The following STAU2 variants were observed in gnomAD, a reference collection of about 807,000 sequenced individuals.
STAU2 encodes staufen double-stranded RNA binding protein 2.
STAU2 carries 20 observed loss-of-function variants against 65.9 expected under a neutral mutation model. The ratio of observed to expected loss-of-function variants is 0.30; its 90% CI spans 0.21 to 0.44. STAU2 has a LOEUF of 0.44. Ranked by LOEUF, STAU2 falls within the 20% of genes least tolerant of loss-of-function variation. STAU2 has a pLI of 1.00. For synonymous variants in STAU2, 232 were observed against 233.9 expected (o/e 0.99, Z 0.07); for missense variants, 558 against 683.9 (o/e 0.82, Z 2.05).
chr8:73,541,379 A>C (rs1044964576), intron 13 of STAU2, among the ~76,000 whole-genome samples: 1 of 152,150 alleles, frequency 6.6e-6, no homozygotes, highest in African/African-American at 2.4e-5. Context: ...TACTGAGTAG[A>C]CTGTATCAGC....
chr8:73,571,426 C>T lies in STAU2; in HGVS notation c.1222+11344G>A, dbSNP rs983142160. Among the ~76,000 whole-genome samples, 108 of 152,190 alleles carry T rather than the reference C, an allele frequency of 7.1e-4. 7 individuals carry two copies. Among genetic ancestry groups the T allele is most frequent in the Non-Finnish European group, 5.9e-5 (4 of 68,034 alleles). On this transcript the variant is annotated intron_variant, in intron 12 of 14. Transcript: ENST00000524300. ...TAGACATCTACAGAACTCTCCACCCCAAATCAACAGAATATACATTCTTCT... is the reference window on the plus strand; with the variant it reads ...TAGACATCTACAGAACTCTCCACCCTAAATCAACAGAATATACATTCTTCT...
Position 73,722,679 on chromosome 8 carries a change from C to T in STAU2, c.-17-13517G>A, listed in dbSNP as rs531676825. Among the ~76,000 whole-genome samples the T allele has an allele frequency of 3.3e-5, 5 of 152,222 alleles. No individual in the cohort carries two copies. In the South Asian group the frequency reaches 1.0e-3, roughly 32 times the overall value. ...ATGACCATATCTCTTTCTCTGACTGCTTTTCAGATTTTCTCTTTATCATTT... is the reference window on the plus strand; with the variant it reads ...ATGACCATATCTCTTTCTCTGACTGTTTTTCAGATTTTCTCTTTATCATTT... On this transcript the variant is annotated intron_variant, in intron 3 of 14. Transcript: ENST00000524300.
chr8:73,609,730 A>G (rs1024115064), intron 9 of STAU2, among the ~76,000 whole-genome samples: 12 of 152,184 alleles, frequency 7.9e-5, no homozygotes, highest in African/African-American at 2.9e-4. Context: ...ATAATAATTT[A>G]TAAGTCTAAG....
At chr8:73,626,086 C>CA (rs1478807521) in intron 6 of STAU2, among the ~76,000 whole-genome samples, 1 of 151,878 alleles carries the variant, frequency 6.6e-6, no homozygotes, top group Non-Finnish European at 1.5e-5. Context: ...CACACACACA[C>CA]ACACACACAC....
chr8:73,619,710 G>A (rs978547577), intron 6 of STAU2, among the ~76,000 whole-genome samples: 4 of 152,152 alleles, frequency 2.6e-5, no homozygotes, highest in South Asian at 2.1e-4. Flanking sequence ...CCTAAGGCTC[G>A]GAACTGATTA....
intron 6 of STAU2, among the ~76,000 whole-genome samples, chr8:73,654,392 C>T (rs1816134274): frequency 6.6e-6 from 1 of 151,926 alleles, no homozygotes; most frequent in Non-Finnish European, 1.5e-5. Flanking sequence ...TGGCTGACCC[C>T]TGTAATCCCA....
At chr8:73,690,944 G>T (rs1819285515) in intron 4 of STAU2, among the ~76,000 whole-genome samples, 1 of 151,848 alleles carries the variant, frequency 6.6e-6, no homozygotes, top group Admixed American at 6.6e-5. Flanking sequence ...TCAAATTTTG[G>T]TATTTAACAA....
intron 13 of STAU2, among the ~76,000 whole-genome samples, chr8:73,452,514 A>C (rs954355323): frequency 2.6e-5 from 4 of 152,128 alleles, no homozygotes; most frequent in Non-Finnish European, 5.9e-5. Flanking sequence ...CTGTAACAAT[A>C]TCTTTAAAAT....
At chr8:73,609,419 C>T (rs533033712) in intron 9 of STAU2, among the ~76,000 whole-genome samples, 189 of 151,894 alleles carry the variant, frequency 1.2e-3, no homozygotes, top group African/African-American at 4.3e-3. Flanking sequence ...TTTGGGAGGC[C>T]GAGGCAGGTG....
chr8:73,746,954 G>T, upstream of STAU2: 1 of 833,342 alleles, frequency 1.2e-6, no homozygotes, highest in Non-Finnish European at 1.4e-6. Context: ...CTCGCGCCGC[G>T]CGCCCCCGCC....
At chr8:73,721,155 C>G (rs1399217707) in intron 3 of STAU2, among the ~76,000 whole-genome samples, 4 of 147,746 alleles carry the variant, frequency 2.7e-5, no homozygotes, top group South Asian at 2.2e-4. Context: ...CTGGGTGTGG[C>G]GGCACACATT....
At chr8:73,549,987 A>G (rs1282573001) in intron 13 of STAU2, 1 of 985,672 alleles carries the variant, frequency 1.0e-6, no homozygotes, top group African/African-American at 1.7e-5. Flanking sequence ...AAAACTTTTA[A>G]CCACAAAGAA....
At chr8:73,444,911 T>C (rs1001683152) in intron 13 of STAU2, among the ~76,000 whole-genome samples, 3 of 152,226 alleles carry the variant, frequency 2.0e-5, no homozygotes, top group Non-Finnish European at 4.4e-5. Context: ...GCACATACTT[T>C]GTTAACTCTC....
At chr8:73,617,975 T>C (rs1586132648) in intron 6 of STAU2, among the ~76,000 whole-genome samples, 1 of 152,166 alleles carries the variant, frequency 6.6e-6, no homozygotes, top group Non-Finnish European at 1.5e-5. Context: ...TATTCATACA[T>C]TTTACGGTGC....
chr8:73,498,200 C>A (rs1032196851), intron 13 of STAU2, among the ~76,000 whole-genome samples: 5 of 151,826 alleles, frequency 3.3e-5, no homozygotes, highest in African/African-American at 1.2e-4. Context: ...GCTGTAGTCA[C>A]CTATAATTCC....
intron 13 of STAU2, among the ~76,000 whole-genome samples, chr8:73,505,004 G>C (rs944407397): frequency 3.3e-5 from 5 of 152,064 alleles, no homozygotes; most frequent in Admixed American, 6.6e-5. Context: ...GCTCATTGTT[G>C]TTCTTTCTAC....
chr8:73,626,036 G>A (rs1203668550), intron 6 of STAU2, among the ~76,000 whole-genome samples: 1 of 151,352 alleles, frequency 6.6e-6, no homozygotes, highest in East Asian at 1.9e-4. Flanking sequence ...AGAGATGGAG[G>A]ACTGCCCTCA....
chr8:73,540,525 T>C (rs929202724), intron 13 of STAU2, among the ~76,000 whole-genome samples: 8 of 152,248 alleles, frequency 5.3e-5, no homozygotes, highest in African/African-American at 1.9e-4. Context: ...ATGAATATCT[T>C]ACATTTAGAG....
At chr8:73,619,787 T>TA (rs1298752065) in intron 6 of STAU2, among the ~76,000 whole-genome samples, 4 of 151,856 alleles carry the variant, frequency 2.6e-5, no homozygotes, top group African/African-American at 4.8e-5. Flanking sequence ...GGGTCAAAGT[T>TA]AGAAGAAAAA....
Sources: gnomAD v4.1 joint callset for allele counts (sites outside exome capture counted in the v4.1 genomes callset) on GRCh38, gnomAD v4.1.1 for gene constraint, MANE v1.5 for transcripts, NCBI Gene and HGNC (gene_info 2026-07-23, HGNC 2026-07-21) for gene names.